RASA2: variants seen among roughly 807,000 people sequenced by gnomAD.
RASA2 encodes ras GTPase-activating protein 2.
RASA2 carries 155 observed loss-of-function variants against 118.2 expected under a neutral mutation model. The observed-to-expected ratio is 1.31, with a 90% CI of 1.15 to 1.50. The LOEUF is 1.50. RASA2 is among the 40% of genes most tolerant of loss of function. The probability of loss-of-function intolerance (pLI) is 0.00; values close to 1 mark genes in which losing one functional copy is unlikely to be tolerated. For missense variants in RASA2, 1,016 were observed against 1,009.6 expected (o/e 1.01, Z -0.09); for synonymous variants, 353 against 349.1 (o/e 1.01, Z -0.12).
chr3:141,527,345 A>G (rs1333233632), intron 3 of RASA2, among the ~76,000 whole-genome samples: 3 of 152,098 alleles, frequency 2.0e-5, no homozygotes, highest in Non-Finnish European at 4.4e-5. Flanking sequence ...TCGTTTCTGG[A>G]TGGTAAGTAA....
At chr3:141,597,217 A>G (rs1235083008) in intron 19 of RASA2, among the ~76,000 whole-genome samples, 1 of 152,184 alleles carries the variant, frequency 6.6e-6, no homozygotes, top group Non-Finnish European at 1.5e-5. Context: ...CCTGGGCAAC[A>G]TGGTGAAACC....
intron 5 of RASA2, among the ~76,000 whole-genome samples, chr3:141,543,245 A>G (rs1273362155): frequency 6.6e-6 from 1 of 152,090 alleles, no homozygotes; most frequent in African/African-American, 2.4e-5. Context: ...TACATTATAC[A>G]TGCATAACTA....
chr3:141,600,491 T>C, intron 19 of RASA2: 1 of 321,378 alleles, frequency 3.1e-6, no homozygotes, highest in Non-Finnish European at 6.2e-6. Flanking sequence ...ACCTACTTGG[T>C]CACAGCCTTC....
rs760337756 is a variant in RASA2 at position 141,560,003 on chromosome 3, C to G, written c.863+8C>G. 6.2e-7 allele frequency: 1 copy of G among 1,603,082 alleles called. No individual in the cohort carries two copies. Among genetic ancestry groups the G allele is most frequent in the African/African-American group, 1.3e-5 (1 of 74,586 alleles). On this transcript the variant is annotated splice_region_variant and intron_variant, in intron 9 of 23. Coordinates refer to ENST00000286364, the MANE Select transcript of RASA2 (RefSeq NM_006506.5). ...TTCCTCTCATCAAGCCTGGTAAGGGCCCAGCATTTTAGTGAACTCCATAGT... is the reference window on the plus strand; with the variant it reads ...TTCCTCTCATCAAGCCTGGTAAGGGGCCAGCATTTTAGTGAACTCCATAGT...
In RASA2 at chr3:141,555,723, C is replaced by A. The variant is rs191121090; in HGVS notation, c.612-117C>A. 6 of 770,802 alleles carry A rather than the reference C, an allele frequency of 7.8e-6. No individual in the cohort carries two copies. In the Admixed American group the frequency reaches 1.4e-4, roughly 18 times the overall value. The allele number at this position is 770,802 out of a possible 1,614,324, so 47.7% of individuals were successfully genotyped here. On this transcript the variant is annotated intron_variant, in intron 6 of 23. Transcript: ENST00000286364. ...TTCCAAGCAATATTTAAAACTGAAT[C>A]TTCCCTGAGTCACCTTAACTTTTAA... is the stretch of plus-strand genomic sequence containing the variant.
Position 141,609,812 on chromosome 3 carries a change from T to C in RASA2, c.2330-65T>C, listed in dbSNP as rs868257394. 3.8e-5 allele frequency: 54 copies of C among 1,403,352 alleles called. No individual in the cohort carries two copies. In the Middle Eastern group the frequency reaches 1.2e-3, roughly 31 times the overall value. 86.9% of individuals were successfully genotyped at this position (1,403,352 alleles called of 1,614,324 possible). A position where few individuals can be genotyped will look rare whatever the true frequency, so the allele number is the denominator to read the frequency against. ...AAGACACTTGAAAAATTCTTATTTGTACTACATATTGCATTTATAGAATTT... is the reference window on the plus strand; with the variant it reads ...AAGACACTTGAAAAATTCTTATTTGCACTACATATTGCATTTATAGAATTT... On this transcript the variant is annotated intron_variant, in intron 22 of 23. Coordinates refer to ENST00000286364, the MANE Select transcript of RASA2 (RefSeq NM_006506.5).
rs367958097 is a variant in RASA2, at chr3:141,580,397, C to G, written c.1620C>G (p.Leu540=). 1 of 1,609,220 alleles carries G rather than the reference C, an allele frequency of 6.2e-7. No homozygotes were observed. The highest frequency in any genetic ancestry group is 1.3e-5 in the African/African-American group (1 of 74,736). ...PDAQTIRTLT[L]ISKTIQTLGS... ...CACAGACAATTAGAACATTAACTCT[C>G]ATCTCAAAAACTATACAAACTTTGG... is the stretch of plus-strand genomic sequence containing the variant. Residue 540 remains leucine, a synonymous_variant, in exon 16 of 24, where the codon CTC becomes CTG. Coordinates refer to ENST00000286364, the MANE Select transcript of RASA2 (RefSeq NM_006506.5).
At chr3:141,588,293 TA>T (rs1197379376) in intron 19 of RASA2, among the ~76,000 whole-genome samples, 1 of 152,156 alleles carries the variant, frequency 6.6e-6, no homozygotes, top group East Asian at 1.9e-4. Flanking sequence ...TCTCTTTACA[TA>T]AAGTAAATTA....
intron 2 of RASA2, among the ~76,000 whole-genome samples, chr3:141,513,784 C>T (rs2151082148): frequency 6.6e-6 from 1 of 152,278 alleles, no homozygotes; most frequent in Admixed American, 6.5e-5. Context: ...TATATTTCAG[C>T]TTCTCATTTA....
intron 23 of RASA2, among the ~76,000 whole-genome samples, chr3:141,612,015 T>C (rs1477309137): frequency 6.6e-6 from 1 of 152,182 alleles, no homozygotes; most frequent in Non-Finnish European, 1.5e-5. Context: ...AAATATCTTA[T>C]TAATTTTATT....
chr3:141,563,583 A>G (rs1209264166), intron 9 of RASA2, among the ~76,000 whole-genome samples: 6 of 152,202 alleles, frequency 3.9e-5, no homozygotes, highest in African/African-American at 1.4e-4. Flanking sequence ...ACTGTGTGCC[A>G]GGAACTATTC....
chr3:141,596,126 G>T (rs1310642767), intron 19 of RASA2, among the ~76,000 whole-genome samples: 1 of 152,040 alleles, frequency 6.6e-6, no homozygotes, highest in African/African-American at 2.4e-5. Flanking sequence ...CCATATGCTG[G>T]GCCTGGAGTC....
At chr3:141,492,855 G>A (rs1211416946) in intron 1 of RASA2, among the ~76,000 whole-genome samples, 1 of 152,054 alleles carries the variant, frequency 6.6e-6, no homozygotes, top group African/African-American at 2.4e-5. Context: ...CATATCGAAG[G>A]GTCTGTTAAG....
In RASA2 at chr3:141,497,566, C is replaced by T. The variant is rs912405885; in HGVS notation, c.133+10350C>T. 2.7e-5 allele frequency among the ~76,000 whole-genome samples: 4 copies of T among 148,178 alleles called. No homozygotes were observed. The South Asian group carries it at 8.4e-4, about 31-fold the overall frequency. On this transcript the variant is annotated intron_variant, in intron 1 of 23. Coordinates refer to ENST00000286364, the MANE Select transcript of RASA2 (RefSeq NM_006506.5). ...TATAGAAGAAATAAAGTCAACTTTT[C>T]TGTTAAGTTTTTTTGGTAACTTTTG...
At chr3:141,584,930 A>G (rs1000793644) in intron 17 of RASA2, among the ~76,000 whole-genome samples, 1 of 152,158 alleles carries the variant, frequency 6.6e-6, no homozygotes, top group African/African-American at 2.4e-5. Context: ...CTGAAAATCC[A>G]AAATTCAAAA....
intron 1 of RASA2, among the ~76,000 whole-genome samples, chr3:141,490,890 C>T (rs2081632633): frequency 6.6e-6 from 1 of 152,186 alleles, no homozygotes. Flanking sequence ...AAATAAGCCT[C>T]CCTCCCTACT....
chr3:141,545,738 G>A (rs897536203), intron 5 of RASA2, among the ~76,000 whole-genome samples: 3 of 151,926 alleles, frequency 2.0e-5, no homozygotes, highest in African/African-American at 7.3e-5. Context: ...GAGCCACCAA[G>A]CCTGGCCCTC....
At chr3:141,540,772 T>C (rs1276651651) in intron 5 of RASA2, among the ~76,000 whole-genome samples, 163 bp downstream of exon 5, 1 of 152,196 alleles carries the variant, frequency 6.6e-6, no homozygotes, top group Non-Finnish European at 1.5e-5. Flanking sequence ...AATTTTCTCA[T>C]AGTCTACTCA....
At position 141,529,803 on chromosome 3, in the gene RASA2, G is replaced by T; in HGVS notation, c.450+1G>T. 6.3e-7 allele frequency: 1 copy of T among 1,592,638 alleles called. No homozygotes were observed. The highest frequency in any genetic ancestry group is 8.6e-7 in the Non-Finnish European group (1 of 1,161,704). On this transcript the variant is annotated splice_donor_variant, in intron 4 of 23. Coordinates refer to ENST00000286364, the MANE Select transcript of RASA2 (RefSeq NM_006506.5). LOFTEE classifies it high-confidence loss of function. ...TGTTGACTCCAATTCAGAGGTTCAG[G>T]TAAATATTAAGGCTTATGTAATACA... is the stretch of plus-strand genomic sequence containing the variant.
Sources: gnomAD v4.1 joint callset for allele counts (sites outside exome capture counted in the v4.1 genomes callset) on GRCh38, gnomAD v4.1.1 for gene constraint, MANE v1.5 for transcripts, NCBI Gene and HGNC (gene_info 2026-07-23, HGNC 2026-07-21) for gene names.